KDELR2: variants seen among roughly 807,000 people sequenced by gnomAD.
KDELR2 encodes the protein ER lumen protein-retaining receptor 2.
KDELR2 carries 15 observed loss-of-function variants against 23.9 expected under a neutral mutation model. The observed-to-expected ratio is 0.63, with a 90% confidence interval of 0.42 to 0.97. The LOEUF (loss-of-function observed/expected upper bound fraction) is 0.97. KDELR2 is among the 50% of genes least tolerant of loss of function. The pLI is 0.00. For synonymous variants in KDELR2, 119 were observed against 106.2 expected (o/e 1.12, Z -0.74); for missense variants, 272 against 254.6 (o/e 1.07, Z -0.46).
intron 4 of KDELR2, 100 bp downstream of exon 4, chr7:6,465,971 G>T: frequency 3.2e-6 from 4 of 1,236,408 alleles, no homozygotes; most frequent in Non-Finnish European, 1.1e-6. Context: ...TTTCTCTGGA[G>T]CCAGTTTATG....
intron 1 of KDELR2, 38 bp from the exon 2 acceptor site, chr7:6,474,322 G>A (rs1785711522): frequency 7.2e-7 from 1 of 1,396,810 alleles, no homozygotes; most frequent in East Asian, 2.3e-5. Context: ...AGGGCCTGAA[G>A]AGCTTTGGGA....
At chr7:6,479,876 A>G (rs1785851335) in intron 1 of KDELR2, among the ~76,000 whole-genome samples, 1 of 152,264 alleles carries the variant, frequency 6.6e-6, no homozygotes, top group Non-Finnish European at 1.5e-5. Context: ...ATGATTACTC[A>G]GAGACTGGCA....
intron 2 of KDELR2, among the ~76,000 whole-genome samples, chr7:6,471,891 A>G (rs1055941270): frequency 7.1e-6 from 1 of 140,246 alleles, no homozygotes; most frequent in Non-Finnish European, 1.5e-5. Flanking sequence ...TCATATGTTA[A>G]GTGTAAGTTT....
intron 1 of KDELR2, among the ~76,000 whole-genome samples, chr7:6,483,008 A>C (rs1275717552): frequency 6.6e-6 from 1 of 151,388 alleles, no homozygotes; most frequent in Non-Finnish European, 1.5e-5. Flanking sequence ...CTGCCTCCAA[A>C]AAAAAAAAAA....
At chr7:6,483,663 C>A (rs1035621279) in intron 1 of KDELR2, among the ~76,000 whole-genome samples, 1 of 152,218 alleles carries the variant, frequency 6.6e-6, no homozygotes, top group African/African-American at 2.4e-5. Context: ...CCTGTCGGAC[C>A]CCCCGTCCCA....
rs569758017 is a variant in KDELR2, at chr7:6,463,799, G to C, written c.605-624C>G. ...AGGATGGCAGGGTGAGGTAGCTCACGCCTATACTTCCGGCACTGTGGGAGG... is the reference window on the plus strand; with the variant it reads ...AGGATGGCAGGGTGAGGTAGCTCACCCCTATACTTCCGGCACTGTGGGAGG... On this transcript the variant is annotated intron_variant, in intron 4 of 4. Transcript: ENST00000258739. Among the ~76,000 whole-genome samples, 5 of 151,048 alleles carry C rather than the reference G, an allele frequency of 3.3e-5. No homozygotes were observed. The East Asian group carries it at 9.7e-4, about 29-fold the overall frequency.
chr7:6,483,854 G>T (rs2043555196), intron 1 of KDELR2, 113 bp downstream of exon 1: 4 of 805,770 alleles, frequency 5.0e-6, no homozygotes, highest in Non-Finnish European at 6.6e-6. Context: ...GGCCGAGGGG[G>T]TGTGTCGGGC....
intron 3 of KDELR2, among the ~76,000 whole-genome samples, chr7:6,469,341 C>T (rs767237408): frequency 3.9e-5 from 6 of 152,054 alleles, no homozygotes; most frequent in African/African-American, 9.7e-5. Flanking sequence ...CTGCAGCCTC[C>T]GCCTCCTGGG....
At chr7:6,482,190 C>T (rs982429027) in intron 1 of KDELR2, among the ~76,000 whole-genome samples, 6 of 151,964 alleles carry the variant, frequency 3.9e-5, no homozygotes, top group African/African-American at 4.8e-5. Context: ...TTAGTAGAGA[C>T]GGGGTTTCTC....
chr7:6,482,451 A>G (rs919266946), intron 1 of KDELR2: 3 of 392,850 alleles, frequency 7.6e-6, no homozygotes, highest in African/African-American at 6.3e-5. Context: ...TCTCAGAACT[A>G]TGTATCAACT....
intron 1 of KDELR2, among the ~76,000 whole-genome samples, chr7:6,477,657 T>C (rs1785783404): frequency 6.6e-6 from 1 of 152,376 alleles, no homozygotes; most frequent in African/African-American, 2.4e-5. Flanking sequence ...GTTAAATGTC[T>C]TTTGTTTTCT....
At chr7:6,478,103 A>G (rs1182969934) in intron 1 of KDELR2, among the ~76,000 whole-genome samples, 1 of 151,924 alleles carries the variant, frequency 6.6e-6, no homozygotes, top group Non-Finnish European at 1.5e-5. Flanking sequence ...ATCCTTGCCA[A>G]CATTTTCCTA....
chr7:6,470,907 G>C lies in KDELR2; in HGVS notation c.193-1153C>G, dbSNP rs140626475. On this transcript the variant is annotated intron_variant, in intron 2 of 4. Coordinates refer to ENST00000258739, the MANE Select transcript of KDELR2 (RefSeq NM_006854.4). ...AGGCAGGCGGATCATGAGGTCAGGA[G>C]ATCGAGACCATCCTGGCTAACATGG... 9.8e-3 allele frequency among the ~76,000 whole-genome samples: 1,492 copies of C among 152,100 alleles called. 28 individuals are homozygous for C. Among genetic ancestry groups the C allele is most frequent in the African/African-American group, 0.023 (962 of 41,522 alleles).
At chr7:6,482,206 T>G (rs528711404) in intron 1 of KDELR2, among the ~76,000 whole-genome samples, 1 of 152,222 alleles carries the variant, frequency 6.6e-6, no homozygotes, top group Non-Finnish European at 1.5e-5. Context: ...TTCTCCATGT[T>G]GAGGCTGGTC....
At chr7:6,463,558 C>T (rs1224242259) in intron 4 of KDELR2, among the ~76,000 whole-genome samples, 1 of 151,374 alleles carries the variant, frequency 6.6e-6, no homozygotes, top group Admixed American at 6.6e-5. Flanking sequence ...AAAGTGAGAG[C>T]GACCCCATCT....
At chr7:6,481,841 T>G (rs1785900805) in intron 1 of KDELR2, among the ~76,000 whole-genome samples, 1 of 152,176 alleles carries the variant, frequency 6.6e-6, no homozygotes, top group African/African-American at 2.4e-5. Context: ...CCTTAGACAT[T>G]CATCTATCCA....
intron 4 of KDELR2, among the ~76,000 whole-genome samples, chr7:6,463,542 G>C (rs1488501439): frequency 6.6e-6 from 1 of 151,288 alleles, no homozygotes; most frequent in Non-Finnish European, 1.5e-5. Context: ...ACCAGCCTGG[G>C]CAAAAAAAGT....
intron 1 of KDELR2, among the ~76,000 whole-genome samples, chr7:6,475,722 G>A (rs1054870278): frequency 6.6e-6 from 1 of 152,136 alleles, no homozygotes; most frequent in Admixed American, 6.6e-5. Flanking sequence ...GCAAACTATG[G>A]GTTTCAGATG....
At chr7:6,471,924 C>T (rs1389231343) in intron 2 of KDELR2, among the ~76,000 whole-genome samples, 10 of 147,074 alleles carry the variant, frequency 6.8e-5, no homozygotes, top group African/African-American at 1.5e-4. Context: ...TTTTTTGAAA[C>T]GGAGCCTTGC....
Sources: gnomAD v4.1 joint callset for allele counts (sites outside exome capture counted in the v4.1 genomes callset) on GRCh38, gnomAD v4.1.1 for gene constraint, MANE v1.5 for transcripts, NCBI Gene and HGNC (gene_info 2026-07-23, HGNC 2026-07-21) for gene names.